The following DLGAP1 variants were observed in gnomAD, a reference collection of about 807,000 sequenced individuals.
The protein encoded by DLGAP1 is disks large-associated protein 1.
In DLGAP1, 11 loss-of-function variants were observed where a neutral mutation model predicts 90.8. That is an observed-to-expected ratio of 0.12 (90% CI 0.08 to 0.20). DLGAP1 has a LOEUF of 0.20. Ranked by LOEUF, DLGAP1 falls within the 10% of genes least tolerant of loss-of-function variation. The pLI is 1.00. For synonymous variants in DLGAP1, 558 were observed against 540.7 expected (o/e 1.03, Z -0.44); for missense variants, 1,050 against 1,333.8 (o/e 0.79, Z 3.31).
At chr18:3,943,824 C>A (rs2072821402) in intron 3 of DLGAP1, among the ~76,000 whole-genome samples, 1 of 152,042 alleles carries the variant, frequency 6.6e-6, no homozygotes, top group Non-Finnish European at 1.5e-5. Flanking sequence ...TATGGGTGGG[C>A]CCTAATCCAA....
At chr18:3,615,607 G>A (rs191169809) in intron 7 of DLGAP1, among the ~76,000 whole-genome samples, 43 of 152,264 alleles carry the variant, frequency 2.8e-4, no homozygotes, top group African/African-American at 1.0e-3. Context: ...TGGAGATGGG[G>A]GAGGCCAAGA....
chr18:4,414,023 G>T (rs2082838077), intron 1 of DLGAP1, among the ~76,000 whole-genome samples: 1 of 152,152 alleles, frequency 6.6e-6, no homozygotes, highest in Non-Finnish European at 1.5e-5. Context: ...AATCCAACAG[G>T]CTGCATTCAA....
intron 3 of DLGAP1, chr18:3,984,389 A>G (rs932279421): frequency 6.6e-6 from 1 of 152,296 alleles, no homozygotes; most frequent in Non-Finnish European, 1.5e-5. Context: ...CCTGTGCTAG[A>G]TCATTCAAAT....
chr18:4,451,623 C>T (rs1452695871), intron 1 of DLGAP1, among the ~76,000 whole-genome samples: 1 of 152,096 alleles, frequency 6.6e-6, no homozygotes, highest in African/African-American at 2.4e-5. Flanking sequence ...TAACAAGAAT[C>T]GAGCTACAAA....
intron 4 of DLGAP1, among the ~76,000 whole-genome samples, chr18:3,861,102 A>G (rs769992522): frequency 5.3e-5 from 8 of 152,176 alleles, no homozygotes; most frequent in Non-Finnish European, 1.2e-4. Flanking sequence ...CCCATTTCCT[A>G]TCAACTTCGA....
chr18:3,886,537 AT>A (rs33919576), intron 3 of DLGAP1, among the ~76,000 whole-genome samples: 3 of 151,164 alleles, frequency 2.0e-5, no homozygotes, highest in African/African-American at 7.3e-5. Flanking sequence ...ACTTGCATCT[AT>A]TTTTTTTGTA....
At chr18:3,972,507 ACT>A (rs748773454) in intron 3 of DLGAP1, among the ~76,000 whole-genome samples, 6 of 149,864 alleles carry the variant, frequency 4.0e-5, no homozygotes, top group East Asian at 2.0e-4. Flanking sequence ...ACACACACAC[ACT>A]CTCTCTCTCT....
chr18:4,171,564 CAA>C (rs113484195), intron 1 of DLGAP1, among the ~76,000 whole-genome samples: 14 of 87,468 alleles, frequency 1.6e-4, no homozygotes, highest in Admixed American at 1.3e-4. Context: ...GACTCCATCT[CAA>C]AAAAAAAAAA....
intron 1 of DLGAP1, among the ~76,000 whole-genome samples, chr18:4,292,335 T>C (rs148695746): frequency 2.0e-5 from 3 of 152,172 alleles, no homozygotes; most frequent in African/African-American, 7.2e-5. Flanking sequence ...AAAAAGCAGA[T>C]AGAATCAGCC....
At chr18:3,690,020 T>G (rs932494083) in intron 7 of DLGAP1, among the ~76,000 whole-genome samples, 7 of 151,728 alleles carry the variant, frequency 4.6e-5, no homozygotes, top group Admixed American at 2.6e-4. Context: ...CATTTTTTTT[T>G]TGTGGAATTC....
chr18:4,257,630 CTT>C (rs927025351), intron 1 of DLGAP1, among the ~76,000 whole-genome samples: 2 of 144,788 alleles, frequency 1.4e-5, no homozygotes, highest in African/African-American at 2.5e-5. Flanking sequence ...CTTTTCCTTT[CTT>C]TTTTTTTTTT....
intron 2 of DLGAP1, among the ~76,000 whole-genome samples, chr18:4,096,977 TGGTC>T (rs2075691675): frequency 6.6e-6 from 1 of 152,232 alleles, no homozygotes; most frequent in Admixed American, 6.5e-5. Flanking sequence ...GTGTAAGTGT[TGGTC>T]GGTATATTTT....
intron 1 of DLGAP1, among the ~76,000 whole-genome samples, chr18:4,330,180 C>A (rs1036631931): frequency 1.3e-5 from 2 of 152,006 alleles, no homozygotes; most frequent in Non-Finnish European, 2.9e-5. Context: ...TCTTTACCAT[C>A]TTTTCATTTC....
chr18:4,440,173 A>G (rs2083500244), intron 1 of DLGAP1, among the ~76,000 whole-genome samples: 1 of 151,784 alleles, frequency 6.6e-6, no homozygotes, highest in African/African-American at 2.4e-5. Context: ...AGTGCCAGCA[A>G]TAAGAAAGAA....
At chr18:4,440,853 A>G (rs1471979787) in intron 1 of DLGAP1, among the ~76,000 whole-genome samples, 1 of 152,246 alleles carries the variant, frequency 6.6e-6, no homozygotes, top group African/African-American at 2.4e-5. Context: ...TGAACAATTA[A>G]GGTTAAAACC....
intron 1 of DLGAP1, among the ~76,000 whole-genome samples, chr18:4,242,143 AT>A (rs1171565810): frequency 6.6e-6 from 1 of 151,940 alleles, no homozygotes; most frequent in Non-Finnish European, 1.5e-5. Context: ...TATGATTCTG[AT>A]TTTTTGTAGA....
chr18:4,299,855 C>T (rs1051902026), intron 1 of DLGAP1, among the ~76,000 whole-genome samples: 3 of 152,044 alleles, frequency 2.0e-5, no homozygotes, highest in Non-Finnish European at 4.4e-5. Flanking sequence ...CTATTTATCA[C>T]AATAAAAAGT....
intron 5 of DLGAP1, among the ~76,000 whole-genome samples, chr18:3,758,736 T>C (rs888063303): frequency 6.6e-6 from 1 of 152,226 alleles, no homozygotes; most frequent in Non-Finnish European, 1.5e-5. Context: ...GGATTAGTCA[T>C]GCATATGACT....
Position 4,331,258 on chromosome 18 carries a change from C to T in DLGAP1, c.-267+123748G>A, listed in dbSNP as rs189158281. On this transcript the variant is annotated intron_variant, in intron 1 of 12. Transcript: ENST00000315677. The stretch of plus-strand genomic sequence containing the variant: ...ACGGGACTGTGTTTTCTCCACCCCT[C>T]CACCAGTGCATCACTCCCATTATCG... Among the ~76,000 whole-genome samples, 43 of 151,802 alleles carry T rather than the reference C, an allele frequency of 2.8e-4. No individual in the cohort carries two copies. The East Asian group carries it at 6.8e-3, about 24-fold the overall frequency.
Sources: gnomAD v4.1 joint callset for allele counts (sites outside exome capture counted in the v4.1 genomes callset) on GRCh38, gnomAD v4.1.1 for gene constraint, MANE v1.5 for transcripts, NCBI Gene and HGNC (gene_info 2026-07-23, HGNC 2026-07-21) for gene names.